PHF21B: variants seen among roughly 807,000 people sequenced by gnomAD.
PHF21B encodes the protein PHD finger protein 21B, also known as PHD finger protein 4.
A neutral mutation model predicts 62.2 loss-of-function variants in PHF21B; 22 were observed. The observed-to-expected ratio is 0.35, with a 90% CI of 0.25 to 0.51. The LOEUF is 0.51. Ranked by LOEUF, PHF21B falls within the 20% of genes least tolerant of loss-of-function variation. The pLI is 0.97. For synonymous variants in PHF21B, 341 were observed against 314.7 expected, an observed-to-expected ratio of 1.08 and a Z score of -0.88; for missense variants, 701 against 707.9, an observed-to-expected ratio of 0.99 and a Z score of 0.11.
intron 2 of PHF21B, among the ~76,000 whole-genome samples, chr22:44,941,664 T>C (rs1223284192): frequency 6.6e-6 from 1 of 152,100 alleles, no homozygotes. Flanking sequence ...GAGTCCACCG[T>C]CACTTTAAGC....
At position 45,009,603 on chromosome 22, in the gene PHF21B, T is replaced by C. The variant is rs1001809926; in HGVS notation, c.-54A>G. 6.7e-7 allele frequency: 1 copy of C among 1,503,470 alleles called. No individual in the cohort carries two copies. Among genetic ancestry groups the C allele is most frequent in the Non-Finnish European group, 8.8e-7 (1 of 1,137,284 alleles). 93.1% of individuals were successfully genotyped at this position (1,503,470 alleles called of 1,614,324 possible). Reference sequence around the variant, plus strand: ...CACTTTGGCCCGGGCTCCCGGGAAGTTGCGCGGCTCCGCGGGGGCCAGAGC... The same window carrying C: ...CACTTTGGCCCGGGCTCCCGGGAAGCTGCGCGGCTCCGCGGGGGCCAGAGC... On this transcript the variant is annotated 5_prime_UTR_variant, in exon 1 of 13. Transcript: ENST00000313237. This position sits in a 1 kb window ranked among gnomAD's most constrained non-coding sequence, Gnocchi z 5.9.
At chr22:44,931,108 G>A (rs1322997197) in intron 2 of PHF21B, among the ~76,000 whole-genome samples, 1 of 152,178 alleles carries the variant, frequency 6.6e-6, no homozygotes, top group African/African-American at 2.4e-5. Flanking sequence ...CAACTGCAGT[G>A]CAGTGGCGCA....
At chr22:45,007,996 C>T (rs1470848681) in intron 2 of PHF21B, among the ~76,000 whole-genome samples, 1 of 150,464 alleles carries the variant, frequency 6.6e-6, no homozygotes, top group African/African-American at 2.5e-5. Flanking sequence ...AAAGTTGGAG[C>T]AGAACTGGGG....
intron 10 of PHF21B, among the ~76,000 whole-genome samples, 169 bp from the exon 11 acceptor site, chr22:44,886,107 G>A (rs1025893451): frequency 1.3e-5 from 2 of 152,112 alleles, no homozygotes; most frequent in Non-Finnish European, 2.9e-5. Flanking sequence ...GCTCACAGGG[G>A]CTACACAGCT....
At chr22:44,940,550 C>T (rs1197489780) in intron 2 of PHF21B, among the ~76,000 whole-genome samples, 1 of 152,266 alleles carries the variant, frequency 6.6e-6, no homozygotes, top group Non-Finnish European at 1.5e-5. Context: ...TGAAGGAGGC[C>T]GCCTGAGAGG....
At position 44,882,944 on chromosome 22, in the gene PHF21B, G is replaced by C. The variant is rs2070764298; in HGVS notation, c.*142C>G. The C allele has an allele frequency of 1.9e-6, 2 of 1,066,142 alleles. No homozygotes were observed. Among genetic ancestry groups the C allele is most frequent in the Admixed American group, 2.5e-5 (1 of 39,966 alleles). 66.0% of individuals were successfully genotyped at this position (1,066,142 alleles called of 1,614,324 possible). A position where few individuals can be genotyped will look rare whatever the true frequency, so the allele number is the denominator to read the frequency against. On this transcript the variant is annotated 3_prime_UTR_variant, in exon 13 of 13. Transcript: ENST00000313237. ...GTCCTGGCTCTAGGCCTCTCGCCCA[G>C]CTCTTCCTCCCTCCTCTCCTCTGTC... is the stretch of plus-strand genomic sequence containing the variant.
chr22:44,896,880 G>GTTTTTTT (rs56878868), intron 5 of PHF21B, among the ~76,000 whole-genome samples: 2 of 84,046 alleles, frequency 2.4e-5, no homozygotes, highest in African/African-American at 4.1e-5. Context: ...AGTTTTATCT[G>GTTTTTTT]TTTTTTTTTT....
chr22:45,004,877 C>T lies in PHF21B; in HGVS notation c.120+3668G>A, dbSNP rs917111027. Among the ~76,000 whole-genome samples the T allele has an allele frequency of 6.6e-5, 10 of 152,356 alleles. 1 individual carries two copies. Among genetic ancestry groups the T allele is most frequent in the African/African-American group, 2.4e-5 (1 of 41,590 alleles). ...CAGAACCCAGAGTTCATCAGCTCCA[C>T]GGACTCTTGGGGTAGTGCACAAGGT... On this transcript the variant is annotated intron_variant, in intron 2 of 12. Coordinates refer to ENST00000313237, the MANE Select transcript of PHF21B (RefSeq NM_138415.5).
chr22:44,991,510 G>C (rs989288355), intron 2 of PHF21B, among the ~76,000 whole-genome samples: 1 of 152,108 alleles, frequency 6.6e-6, no homozygotes, highest in Non-Finnish European at 1.5e-5. Context: ...ACACAGCTTC[G>C]GCCCAGGAGA....
In PHF21B at chr22:45,000,187, G is replaced by A. The variant is rs190459836; in HGVS notation, c.120+8358C>T. ...AAATCACTTTGTCACACGCCTCTCG[G>A]AGACAAAGTTAAAAGCCTTCTAAAC... On this transcript the variant is annotated intron_variant, in intron 2 of 12. Transcript: ENST00000313237. Among the ~76,000 whole-genome samples the A allele has an allele frequency of 1.7e-3, 252 of 152,256 alleles. 1 individual carries two copies. The highest frequency in any genetic ancestry group is 5.7e-3 in the African/African-American group (236 of 41,544).
chr22:44,955,574 G>A (rs1454568683), intron 2 of PHF21B, among the ~76,000 whole-genome samples: 1 of 152,182 alleles, frequency 6.6e-6, no homozygotes, highest in African/African-American at 2.4e-5. Context: ...GGCGGGGAAG[G>A]GTGGCTTCTC....
chr22:44,901,431 C>A (rs1277884430), intron 5 of PHF21B: 1 of 174,926 alleles, frequency 5.7e-6, no homozygotes, highest in South Asian at 2.0e-4. Flanking sequence ...GCCAAATTCA[C>A]CTCATTGCAG....
chr22:45,002,324 C>A (rs1288978308), intron 2 of PHF21B, among the ~76,000 whole-genome samples: 1 of 152,136 alleles, frequency 6.6e-6, no homozygotes, highest in African/African-American at 2.4e-5. Flanking sequence ...TGTACATACA[C>A]ACACACCACA....
At position 44,885,910 on chromosome 22, in the gene PHF21B, C is replaced by A. The variant is rs766058695; in HGVS notation, c.1226G>T (p.Trp409Leu). 6.2e-7 allele frequency: 1 copy of A among 1,614,138 alleles called. No homozygotes were observed. The highest frequency in any genetic ancestry group is 1.7e-5 in the Admixed American group (1 of 60,022). The change falls in exon 11 of 13, where the codon TGG becomes TTG. Residue 409 changes from tryptophan to leucine, a missense_variant. Transcript: ENST00000313237. ...GTGCACGATGGCCAGCATCCCAGTC[C>A]AGGGCACACCCTCGTCTTTCTTTAA... ...KALKKDEGVPWTGMLAIVHSY... is the reference protein window; with the variant it reads ...KALKKDEGVPLTGMLAIVHSY...
At chr22:44,914,369 C>G (rs2071399317) in intron 4 of PHF21B, among the ~76,000 whole-genome samples, 1 of 152,232 alleles carries the variant, frequency 6.6e-6, no homozygotes, top group Non-Finnish European at 1.5e-5. Context: ...CGCTTCCCAG[C>G]TGTGTGGCCT....
At chr22:44,971,643 T>C (rs1266667465) in intron 2 of PHF21B, among the ~76,000 whole-genome samples, 1 of 149,704 alleles carries the variant, frequency 6.7e-6, no homozygotes, top group African/African-American at 2.4e-5. Flanking sequence ...CTTGGGCGGC[T>C]CTCTCTCTCC....
intron 2 of PHF21B, among the ~76,000 whole-genome samples, chr22:44,936,199 C>T (rs1468429423): frequency 5.3e-5 from 8 of 152,196 alleles, no homozygotes; most frequent in African/African-American, 1.2e-4. Flanking sequence ...GGGAGAGCTA[C>T]GGAACGGGGC....
intron 2 of PHF21B, chr22:45,001,140 G>C (rs936024928): frequency 1.3e-5 from 2 of 152,348 alleles, no homozygotes; most frequent in South Asian, 4.1e-4. Context: ...ATGAGCAGGG[G>C]GCTAACATGG....
intron 9 of PHF21B, among the ~76,000 whole-genome samples, chr22:44,889,135 T>G (rs2070914465): frequency 6.6e-6 from 1 of 152,234 alleles, no homozygotes; most frequent in Non-Finnish European, 1.5e-5. Context: ...GTTACAAGCA[T>G]GCAGGGACTA....
Sources: allele counts gnomAD v4.1 joint callset (sites outside exome capture counted in the v4.1 genomes callset), GRCh38; gene constraint gnomAD v4.1.1; non-coding constraint Gnocchi (gnomAD v3.1); transcripts MANE v1.5; gene names NCBI Gene and HGNC (gene_info 2026-07-23, HGNC 2026-07-21).